Variants in DMD observed in about 807,000 individuals in gnomAD.
DMD encodes the protein dystrophin.
In DMD, 63 loss-of-function variants were observed where a neutral mutation model predicts 330.1. The observed-to-expected ratio is 0.19, with a 90% CI of 0.16 to 0.24. The LOEUF is 0.24. Ranked by LOEUF, DMD falls within the 10% of genes least tolerant of loss-of-function variation. The probability of loss-of-function intolerance (pLI) is 1.00; values close to 1 mark genes in which losing one functional copy is unlikely to be tolerated. For missense variants in DMD, 3,344 were observed against 2,684.1 expected (o/e 1.25, Z -5.43); for synonymous variants, 1,223 against 959.8 (o/e 1.27, Z -5.07).
chrX:32,426,370 GA>G (rs1211919554), intron 29 of DMD, among the ~76,000 whole-genome samples: 19 of 111,309 alleles, frequency 1.7e-4, no homozygotes, highest in African/African-American at 3.6e-4. Flanking sequence ...CCAACAATAT[GA>G]AAAAAAATGC....
At chrX:33,123,926 AGGCCGAGGTG>A (rs1378429221) in intron 1 of DMD, among the ~76,000 whole-genome samples, 1 of 109,789 alleles carries the variant, frequency 9.1e-6, no homozygotes, top group Non-Finnish European at 1.9e-5. Flanking sequence ...ACACTTTGGG[AGGCCGAGGTG>A]GGCGGATCAC....
At chrX:31,859,337 A>T (rs144724738) in intron 48 of DMD, among the ~76,000 whole-genome samples, 1 of 111,892 alleles carries the variant, frequency 8.9e-6, no homozygotes, top group African/African-American at 3.3e-5. Context: ...TGAGATGATA[A>T]TTTTTTCTCA....
intron 45 of DMD, among the ~76,000 whole-genome samples, chrX:31,952,794 T>G (rs2095200871): frequency 8.9e-6 from 1 of 112,014 alleles, no homozygotes; most frequent in Non-Finnish European, 1.9e-5. Context: ...TTTGACATTT[T>G]AAATAACATA....
chrX:32,981,075 G>C (rs1041692246), intron 2 of DMD, among the ~76,000 whole-genome samples: 4 of 111,499 alleles, frequency 3.6e-5, no homozygotes, highest in Non-Finnish European at 5.6e-5. Context: ...TACATGGAGG[G>C]ACAGGGAAAA....
intron 42 of DMD, among the ~76,000 whole-genome samples, chrX:32,309,603 C>G (rs974571665): frequency 3.6e-5 from 4 of 110,912 alleles, no homozygotes; most frequent in African/African-American, 1.3e-4. Flanking sequence ...TTATTGATTT[C>G]TATTCAATTT....
intron 52 of DMD, among the ~76,000 whole-genome samples, chrX:31,728,724 G>C (rs2086270572): frequency 9.0e-6 from 1 of 111,541 alleles, no homozygotes; most frequent in African/African-American, 3.3e-5. Context: ...GAAAAAAAAA[G>C]ATGGCTGAAA....
At chrX:32,070,344 G>A (rs1194306277) in intron 44 of DMD, among the ~76,000 whole-genome samples, 1 of 110,905 alleles carries the variant, frequency 9.0e-6, no homozygotes, top group African/African-American at 3.3e-5. Context: ...TGCAGCCTCT[G>A]TGGAAACCAC....
intron 29 of DMD, among the ~76,000 whole-genome samples, chrX:32,425,722 T>C (rs1453223264): frequency 3.6e-5 from 4 of 111,405 alleles, no homozygotes; most frequent in African/African-American, 9.8e-5. Flanking sequence ...AGGCATCATG[T>C]TAGCTGACTT....
chrX:32,492,735 CAG>C (rs1264255440), intron 19 of DMD, among the ~76,000 whole-genome samples: 1 of 112,112 alleles, frequency 8.9e-6, no homozygotes, highest in African/African-American at 3.2e-5. Flanking sequence ...TTCTTAATGA[CAG>C]AATATAAAAG....
chrX:32,516,829 T>C (rs1393406789), intron 18 of DMD: 2 of 111,827 alleles, frequency 1.8e-5, no homozygotes, highest in African/African-American at 6.5e-5. Flanking sequence ...ATATATTATC[T>C]TTCAGTTTTC....
At chrX:32,347,927 T>C (rs771190575) in intron 38 of DMD, among the ~76,000 whole-genome samples, 4 of 111,596 alleles carry the variant, frequency 3.6e-5, no homozygotes, top group Non-Finnish European at 7.5e-5. Flanking sequence ...TTTAGACATA[T>C]AATGTACTAA....
At chrX:32,783,289 TAC>T (rs1239722445) in intron 7 of DMD, among the ~76,000 whole-genome samples, 4 of 100,868 alleles carry the variant, frequency 4.0e-5, no homozygotes, top group Non-Finnish European at 6.0e-5. Flanking sequence ...ACACCATATA[TAC>T]ACACATATAT....
chrX:31,699,159 A>G lies in DMD; in HGVS notation c.7661-19573T>C, dbSNP rs146433779. On this transcript the variant is annotated intron_variant, in intron 52 of 78. Coordinates refer to ENST00000357033, the MANE Select transcript of DMD (RefSeq NM_004006.3). The stretch of plus-strand genomic sequence containing the variant: ...ACAGCTCTCAATTATAGGGGCGTAA[A>G]TAGGCAATCGTGTACTTTGGTAACA... 4.6e-3 allele frequency among the ~76,000 whole-genome samples: 516 copies of G among 112,160 alleles called. 2 individuals carry two copies. The highest frequency in any genetic ancestry group is 0.016 in the African/African-American group (480 of 30,918).
chrX:32,161,600 C>A (rs952232286), intron 44 of DMD, among the ~76,000 whole-genome samples: 1 of 111,780 alleles, frequency 8.9e-6, no homozygotes. Context: ...TAATTTTCCC[C>A]ACTCCCTTCT....
chrX:32,910,513 C>T (rs1374671632), intron 2 of DMD, among the ~76,000 whole-genome samples: 1 of 110,979 alleles, frequency 9.0e-6, no homozygotes, highest in Non-Finnish European at 1.9e-5. Flanking sequence ...ACTGCAACCT[C>T]CGCCTCCCAA....
At chrX:32,380,066 A>G (rs2097918678) in intron 34 of DMD, among the ~76,000 whole-genome samples, 1 of 111,624 alleles carries the variant, frequency 9.0e-6, no homozygotes. Context: ...TAGCCCCTGC[A>G]TAGACACCTT....
chrX:33,150,593 C>T (rs2048242230), intron 1 of DMD, among the ~76,000 whole-genome samples: 1 of 109,559 alleles, frequency 9.1e-6, no homozygotes. Context: ...CTGCGCCTGG[C>T]CAGTAGTCAC....
chrX:31,228,721 G>GTAATGA (rs1366359369), intron 63 of DMD, among the ~76,000 whole-genome samples: 4 of 111,950 alleles, frequency 3.6e-5, no homozygotes, highest in Non-Finnish European at 7.5e-5. Flanking sequence ...GATCCAAGTT[G>GTAATGA]TAATGAGCTC....
intron 63 of DMD, among the ~76,000 whole-genome samples, chrX:31,251,609 A>G (rs1473849544): frequency 8.9e-6 from 1 of 112,218 alleles, no homozygotes; most frequent in African/African-American, 3.2e-5. Flanking sequence ...TTTTATTACT[A>G]CCGTAGAGGG....
Sources: allele counts gnomAD v4.1 joint callset (sites outside exome capture counted in the v4.1 genomes callset), GRCh38; gene constraint gnomAD v4.1.1; transcripts MANE v1.5; gene names NCBI Gene and HGNC (gene_info 2026-07-23, HGNC 2026-07-21).